Variants in CDH12 observed in about 807,000 individuals in gnomAD.
CDH12 encodes cadherin-12.
CDH12 carries 41 observed loss-of-function variants against 74.1 expected under a neutral mutation model. The ratio of observed to expected loss-of-function variants is 0.55; its 90% CI spans 0.43 to 0.72. The LOEUF is 0.72. Ranked by LOEUF, CDH12 falls within the 30% of genes least tolerant of loss-of-function variation. The pLI is 0.00. For missense variants in CDH12, 945 were observed against 977.2 expected (o/e 0.97, Z 0.44); for synonymous variants, 399 against 355.0 (o/e 1.12, Z -1.39).
chr5:22,063,999 AC>A (rs1741380113), intron 5 of CDH12, among the ~76,000 whole-genome samples: 1 of 149,528 alleles, frequency 6.7e-6, no homozygotes, highest in African/African-American at 2.5e-5. Context: ...ACACACACAC[AC>A]ACACACACAC....
At chr5:22,351,564 T>A (rs1361430976) in intron 3 of CDH12, among the ~76,000 whole-genome samples, 1 of 152,216 alleles carries the variant, frequency 6.6e-6, no homozygotes, top group Admixed American at 6.5e-5. Flanking sequence ...TTATTAATGA[T>A]TTAACGAGAT....
chr5:21,781,323 T>C (rs1047371296), intron 11 of CDH12, among the ~76,000 whole-genome samples: 6 of 152,282 alleles, frequency 3.9e-5, no homozygotes, highest in African/African-American at 1.4e-4. Context: ...CAGATTCCTA[T>C]GCGGAGGGGA....
At chr5:22,584,481 T>C (rs1740271530) in intron 1 of CDH12, among the ~76,000 whole-genome samples, 3 of 152,238 alleles carry the variant, frequency 2.0e-5, no homozygotes, top group Admixed American at 1.3e-4. Context: ...TTGTTTGCCA[T>C]TTAAAAAATA....
chr5:22,535,840 T>C (rs971538493), intron 1 of CDH12, among the ~76,000 whole-genome samples: 20 of 152,358 alleles, frequency 1.3e-4, no homozygotes, highest in African/African-American at 4.1e-4. Flanking sequence ...TCTGTATTCA[T>C]GGGCTCTGCA....
chr5:21,946,740 A>G (rs1755594599), intron 6 of CDH12, among the ~76,000 whole-genome samples: 1 of 152,220 alleles, frequency 6.6e-6, no homozygotes, highest in South Asian at 2.1e-4. Context: ...CTGTCTTAAC[A>G]TTATAGTCTA....
At chr5:22,423,218 A>C (rs551390124) in intron 2 of CDH12, among the ~76,000 whole-genome samples, 1 of 151,904 alleles carries the variant, frequency 6.6e-6, no homozygotes, top group East Asian at 1.9e-4. Context: ...AAAAAAAAAA[A>C]AAAAAGCAAA....
chr5:22,743,513 T>C (rs964079377), intron 1 of CDH12, among the ~76,000 whole-genome samples: 1 of 151,954 alleles, frequency 6.6e-6, no homozygotes, highest in African/African-American at 2.4e-5. Flanking sequence ...CCTTTCAGGA[T>C]GTAGTCATCC....
chr5:22,156,264 A>G (rs928254985), intron 4 of CDH12, among the ~76,000 whole-genome samples: 5 of 152,120 alleles, frequency 3.3e-5, no homozygotes, highest in African/African-American at 7.2e-5. Context: ...TCAGAGATTA[A>G]AGGTATACCA....
chr5:22,156,218 C>A (rs1748014856), intron 4 of CDH12, among the ~76,000 whole-genome samples: 1 of 152,090 alleles, frequency 6.6e-6, no homozygotes, highest in Non-Finnish European at 1.5e-5. Context: ...TTCTAACCTT[C>A]TTCTGTCTGT....
chr5:22,147,096 C>A (rs1421714892), intron 4 of CDH12, among the ~76,000 whole-genome samples: 3 of 152,178 alleles, frequency 2.0e-5, no homozygotes, highest in Admixed American at 2.0e-4. Flanking sequence ...AGAAATTTAT[C>A]TACTGTGATA....
chr5:22,006,860 T>C (rs1287756200), intron 5 of CDH12, among the ~76,000 whole-genome samples: 1 of 152,120 alleles, frequency 6.6e-6, no homozygotes, highest in Non-Finnish European at 1.5e-5. Flanking sequence ...AGAACAGCTT[T>C]TTATTATTAT....
In CDH12 at chr5:21,989,443, C is replaced by T. The variant is rs186783191; in HGVS notation, c.232-14058G>A. Among the ~76,000 whole-genome samples, 535 of 152,208 alleles carry T rather than the reference C, an allele frequency of 3.5e-3. 4 individuals are homozygous for T. The highest frequency in any genetic ancestry group is 0.012 in the African/African-American group (500 of 41,518). ...TGTTTTGACCAGACTTTTCTCTGTA[C>T]TTTCGGGTGTGTTTCCCTATTAGCA... On this transcript the variant is annotated intron_variant, in intron 5 of 14. Coordinates refer to ENST00000382254, the MANE Select transcript of CDH12 (RefSeq NM_004061.5).
chr5:22,106,539 C>T (rs1456741244), intron 4 of CDH12, among the ~76,000 whole-genome samples: 2 of 152,170 alleles, frequency 1.3e-5, no homozygotes, highest in African/African-American at 2.4e-5. Flanking sequence ...ACTACAGACA[C>T]TCTTCTAAAA....
At chr5:22,773,520 A>G (rs576958531) in intron 1 of CDH12, among the ~76,000 whole-genome samples, 43 of 152,314 alleles carry the variant, frequency 2.8e-4, no homozygotes, top group African/African-American at 1.0e-3. Context: ...AAAGATTTAA[A>G]TGTAAGACTT....
intron 1 of CDH12, among the ~76,000 whole-genome samples, chr5:22,654,164 CCCTT>C (rs1487466863): frequency 6.8e-6 from 1 of 147,792 alleles, no homozygotes; most frequent in Non-Finnish European, 1.5e-5. Context: ...TTCCTTCCCT[CCCTT>C]CCTTCCTTTC....
chr5:22,742,357 A>C (rs1268669381), intron 1 of CDH12, among the ~76,000 whole-genome samples: 1 of 152,212 alleles, frequency 6.6e-6, no homozygotes, highest in African/African-American at 2.4e-5. Context: ...CTCTGTCTTA[A>C]GGAACAAGAA....
chr5:22,328,421 A>G (rs1239453510), intron 3 of CDH12, among the ~76,000 whole-genome samples: 1 of 152,206 alleles, frequency 6.6e-6, no homozygotes, highest in Non-Finnish European at 1.5e-5. Flanking sequence ...TCATGGATTT[A>G]CAGTATGTGT....
chr5:22,318,390 G>C (rs1343723244), intron 3 of CDH12, among the ~76,000 whole-genome samples: 1 of 152,120 alleles, frequency 6.6e-6, no homozygotes, highest in African/African-American at 2.4e-5. Context: ...TACTATTCAG[G>C]AACATATGTG....
intron 6 of CDH12, among the ~76,000 whole-genome samples, chr5:21,902,329 G>A (rs758595638): frequency 1.3e-5 from 2 of 149,628 alleles, no homozygotes; most frequent in Non-Finnish European, 3.0e-5. Flanking sequence ...TATCTCCCTC[G>A]CTATTTCTCT....
Sources: allele counts gnomAD v4.1 joint callset (sites outside exome capture counted in the v4.1 genomes callset), GRCh38; gene constraint gnomAD v4.1.1; transcripts MANE v1.5; gene names NCBI Gene and HGNC (gene_info 2026-07-23, HGNC 2026-07-21).